LCORL: variants seen among roughly 807,000 people sequenced by gnomAD.
LCORL encodes ligand dependent nuclear receptor corepressor like.
Under a neutral mutation model 141.8 loss-of-function variants are expected in LCORL, and 41 were observed. The ratio of observed to expected loss-of-function variants is 0.29; its 90% CI spans 0.23 to 0.38. The LOEUF (loss-of-function observed/expected upper bound fraction) is 0.38. Among genes scored for constraint, LCORL ranks in the 10% least tolerant of loss-of-function variants. The pLI is 1.00. For missense variants in LCORL, 1,759 were observed against 2,035.0 expected (o/e 0.86, Z 2.61); for synonymous variants, 618 against 694.1 (o/e 0.89, Z 1.72).
chr4:17,972,849 C>A, exon 2 of LCORL: 2 of 1,436,610 alleles, frequency 1.4e-6, no homozygotes, highest in South Asian at 1.6e-5. Context: ...TCTTCGTAGC[C>A]GTGGTCCATA....
chr4:17,927,006 C>T (rs1004299403), intron 4 of LCORL, among the ~76,000 whole-genome samples: 2 of 152,184 alleles, frequency 1.3e-5, no homozygotes, highest in East Asian at 3.9e-4. Context: ...CCCTAGACGG[C>T]GTCTTCTTTT....
At chr4:17,892,213 T>TC (rs1729205985) in intron 5 of LCORL, among the ~76,000 whole-genome samples, 1 of 148,314 alleles carries the variant, frequency 6.7e-6, no homozygotes, top group South Asian at 2.2e-4. Flanking sequence ...TTTTTTCTTT[T>TC]TTTTTTTTTT....
chr4:17,865,735 C>T (rs1365780533), intron 7 of LCORL, among the ~76,000 whole-genome samples: 1 of 152,186 alleles, frequency 6.6e-6, no homozygotes, highest in Non-Finnish European at 1.5e-5. Context: ...GAAGCATAAG[C>T]ATAAGTATCA....
intron 1 of LCORL, among the ~76,000 whole-genome samples, chr4:18,009,498 T>C (rs1251195556): frequency 6.6e-6 from 1 of 152,074 alleles, no homozygotes; most frequent in East Asian, 1.9e-4. Flanking sequence ...CGAGCTCCAC[T>C]GAGAGGCCTT....
chr4:17,935,009 T>C (rs978710840), intron 4 of LCORL, among the ~76,000 whole-genome samples: 1 of 152,154 alleles, frequency 6.6e-6, no homozygotes, highest in Non-Finnish European at 1.5e-5. Flanking sequence ...ATACTCAATA[T>C]GTAGTTTCAT....
At chr4:17,967,519 T>G (rs114192810) in intron 2 of LCORL, among the ~76,000 whole-genome samples, 2,281 of 152,280 alleles carry the variant, frequency 0.015, 20 homozygotes, top group South Asian at 0.025. Flanking sequence ...TTCTACTCAA[T>G]TTTTTCTGTA....
rs530367129 is a variant in LCORL, at chr4:17,988,185, C to T, written c.155-15300G>A. Among the ~76,000 whole-genome samples, 6 of 152,276 alleles carry T rather than the reference C, an allele frequency of 3.9e-5. No homozygotes were observed. The East Asian group carries it at 5.8e-4, about 15-fold the overall frequency. ...TGACTTGCTCCTCCTTGCCTTCCGC[C>T]GTGATTGTGAGGCCTCCCCAGCCAT... On this transcript the variant is annotated intron_variant, in intron 1 of 7. Coordinates refer to ENST00000635767, the Ensembl canonical transcript of LCORL.
chr4:17,973,815 T>C (rs1208511278), intron 1 of LCORL, among the ~76,000 whole-genome samples: 1 of 151,882 alleles, frequency 6.6e-6, no homozygotes, highest in Non-Finnish European at 1.5e-5. Flanking sequence ...ATCTCCAAAA[T>C]CAAGACTCAT....
At chr4:17,968,312 T>C (rs754998633) in intron 2 of LCORL, among the ~76,000 whole-genome samples, 35 of 152,212 alleles carry the variant, frequency 2.3e-4, no homozygotes, top group Admixed American at 3.9e-4. Context: ...CATTAGATTC[T>C]CTGGCTTTAA....
At chr4:18,001,851 T>C (rs1459256131) in intron 1 of LCORL, among the ~76,000 whole-genome samples, 7 of 151,722 alleles carry the variant, frequency 4.6e-5, no homozygotes, top group African/African-American at 7.2e-5. Context: ...TAAAACAAAT[T>C]TTTTTTAAAA....
chr4:17,993,859 G>C (rs143359181), intron 1 of LCORL, among the ~76,000 whole-genome samples: 1 of 152,346 alleles, frequency 6.6e-6, no homozygotes, highest in African/African-American at 2.4e-5. Context: ...AAGTTTACCT[G>C]AGAGAAAGAA....
exon 7 of LCORL, chr4:17,873,948 A>G: frequency 1.6e-6 from 2 of 1,234,030 alleles, no homozygotes; most frequent in Non-Finnish European, 2.0e-6. Flanking sequence ...ACTAGCATGT[A>G]TTTTGAAGTC....
intron 1 of LCORL, among the ~76,000 whole-genome samples, chr4:18,018,282 T>C (rs554391811): frequency 7.9e-5 from 12 of 152,298 alleles, no homozygotes; most frequent in African/African-American, 2.9e-4. Flanking sequence ...TAGTTAGTAC[T>C]AGGATACTAT....
At chr4:17,942,107 G>C (rs1389687282) in intron 4 of LCORL, among the ~76,000 whole-genome samples, 1 of 152,102 alleles carries the variant, frequency 6.6e-6, no homozygotes, top group African/African-American at 2.4e-5. Context: ...TAAGCTTTTA[G>C]ATCTACTATA....
At chr4:17,938,413 C>CTTTTTTTTTTTTT (rs1560372611) in intron 4 of LCORL, among the ~76,000 whole-genome samples, 1 of 133,474 alleles carries the variant, frequency 7.5e-6, no homozygotes, top group African/African-American at 3.0e-5. Context: ...GTAACTGTTT[C>CTTTTTTTTTTTTT]TTTCTTTTTT....
intron 7 of LCORL, among the ~76,000 whole-genome samples, chr4:17,859,423 T>C (rs928027611): frequency 6.6e-6 from 1 of 152,074 alleles, no homozygotes; most frequent in African/African-American, 2.4e-5. Context: ...AAAAATATAT[T>C]TTTAAAAATG....
At chr4:18,007,621 C>A (rs894321124) in intron 1 of LCORL, among the ~76,000 whole-genome samples, 5 of 152,062 alleles carry the variant, frequency 3.3e-5, no homozygotes, top group Admixed American at 3.3e-4. Context: ...TAAATAATTA[C>A]TGAAAAAAAT....
At chr4:17,961,951 T>A (rs763002655) in exon 4 of LCORL, 1 of 1,610,850 alleles carries the variant, frequency 6.2e-7, no homozygotes, top group Non-Finnish European at 8.5e-7. Flanking sequence ...TGGCATTCAA[T>A]CTTATCAGTG....
chr4:17,918,229 C>A (rs1042728120), intron 4 of LCORL, among the ~76,000 whole-genome samples: 5 of 152,072 alleles, frequency 3.3e-5, no homozygotes, highest in Non-Finnish European at 7.4e-5. Context: ...AACAACAAAC[C>A]TTGGGGTGGA....
Sources: allele counts gnomAD v4.1 joint callset (sites outside exome capture counted in the v4.1 genomes callset), GRCh38; gene constraint gnomAD v4.1.1; transcripts MANE v1.5; gene names NCBI Gene and HGNC (gene_info 2026-07-23, HGNC 2026-07-21).